RASSF6: variants seen among roughly 807,000 people sequenced by gnomAD.
The protein encoded by RASSF6 is ras association domain-containing protein 6.
A neutral mutation model predicts 44.0 loss-of-function variants in RASSF6; 52 were observed. The ratio of observed to expected loss-of-function variants is 1.18; its 90% CI spans 0.95 to 1.49. The LOEUF (loss-of-function observed/expected upper bound fraction) is 1.49, where lower values mean the gene tolerates loss of function less well. RASSF6 is among the 40% of genes most tolerant of loss of function. The pLI, the probability that RASSF6 is intolerant of heterozygous loss-of-function variation, is 0.00. For missense variants in RASSF6, 464 were observed against 393.3 expected, an observed-to-expected ratio of 1.18 and a Z score of -1.52; for synonymous variants, 162 against 124.6, an observed-to-expected ratio of 1.30 and a Z score of -2.00.
At chr4:73,589,111 CTATA>C (rs1724330777) in intron 4 of RASSF6, among the ~76,000 whole-genome samples, 1 of 152,100 alleles carries the variant, frequency 6.6e-6, no homozygotes, top group South Asian at 2.1e-4. Context: ...TTTATGGCTA[CTATA>C]TCATTTGAGT....
Position 73,593,576 on chromosome 4 carries a change from T to C in RASSF6, c.162A>G (p.Leu54=). ...AAATGTCCAGCATTCCTTCAACAAT[T>C]AGTTTGCCATCTTCAGTCTAAGGAA... ...ILYGETEDGK[L]IVEGMLDIFW... Residue 54 remains leucine (L), a synonymous_variant, in exon 4 of 11, where the codon CTA becomes CTG. Coordinates refer to ENST00000307439, the MANE Select transcript of RASSF6 (RefSeq NM_177532.5). The C allele has an allele frequency of 6.2e-7, 1 of 1,613,534 alleles. No individual in the cohort carries two copies. The highest frequency in any genetic ancestry group is 8.5e-7 in the Non-Finnish European group (1 of 1,179,792).
At chr4:73,615,919 GAGGAC>G in intron 1 of RASSF6, 1 of 1,550,424 alleles carries the variant, frequency 6.4e-7, no homozygotes, top group Non-Finnish European at 8.7e-7. Flanking sequence ...AATGAGGCCA[GAGGAC>G]AGGAAGTGAA....
At chr4:73,600,560 A>T (rs1366992638) in intron 2 of RASSF6, among the ~76,000 whole-genome samples, 4 of 152,234 alleles carry the variant, frequency 2.6e-5, no homozygotes, top group African/African-American at 9.6e-5. Context: ...ACTTGCTCAC[A>T]GTAGGCTCTT....
intron 3 of RASSF6, among the ~76,000 whole-genome samples, chr4:73,595,402 T>C (rs955527229): frequency 5.9e-5 from 9 of 152,122 alleles, no homozygotes; most frequent in Non-Finnish European, 1.3e-4. Flanking sequence ...TATTGCTATG[T>C]TGGCCAGGCT....
chr4:73,611,594 A>T, intron 2 of RASSF6, 137 bp downstream of exon 2: 1 of 487,058 alleles, frequency 2.1e-6, no homozygotes, highest in Non-Finnish European at 3.7e-6. Context: ...TACTTTTCCA[A>T]CTTCTTATCT....
intron 5 of RASSF6, among the ~76,000 whole-genome samples, chr4:73,587,077 C>T (rs1328973497): frequency 6.6e-6 from 1 of 152,008 alleles, no homozygotes; most frequent in Non-Finnish European, 1.5e-5. Context: ...TCATCAGCAT[C>T]CACTACTCTT....
Position 73,611,334 on chromosome 4 carries a change from A to G in RASSF6, c.65+397T>C, listed in dbSNP as rs1211419581. ...TTGCATAATCTAATGTCAAGAGGGA[A>G]CCAGTAAAAATAAAGTGTCATGAGG... is the stretch of plus-strand genomic sequence containing the variant. On this transcript the variant is annotated intron_variant, in intron 2 of 10. Transcript: ENST00000307439. 7.2e-5 allele frequency among the ~76,000 whole-genome samples: 11 copies of G among 152,284 alleles called. No individual in the cohort carries two copies. In the East Asian group the frequency reaches 1.7e-3, roughly 24 times the overall value.
chr4:73,608,161 A>T (rs1725777592), intron 2 of RASSF6, among the ~76,000 whole-genome samples: 1 of 151,316 alleles, frequency 6.6e-6, no homozygotes, highest in Admixed American at 6.6e-5. Context: ...AAATTGAAAT[A>T]AATTCCATAC....
At chr4:73,591,627 T>C (rs1277827061) in intron 4 of RASSF6, among the ~76,000 whole-genome samples, 1 of 152,016 alleles carries the variant, frequency 6.6e-6, no homozygotes, top group Non-Finnish European at 1.5e-5. Context: ...AAGTGAGAAA[T>C]GTGGGGCTCT....
rs1480877479 is a variant in RASSF6 at position 73,571,959 on chromosome 4, G to A, written c.*4276C>T. 6.6e-6 allele frequency: 1 copy of A among 152,094 alleles called. No homozygotes were observed. The highest frequency in any genetic ancestry group is 1.9e-4 in the East Asian group (1 of 5,190). The allele number at this position is 152,094 out of a possible 1,614,324, so 9.4% of individuals were successfully genotyped here. On this transcript the variant is annotated 3_prime_UTR_variant, in exon 11 of 11. Coordinates refer to ENST00000307439, the MANE Select transcript of RASSF6 (RefSeq NM_177532.5). ...CCAGAAATTGTATGAGCTATACATT[G>A]CTATGTAACAAATTGCCCCAAATTT...
In RASSF6 at chr4:73,611,345, TAA is replaced by T. The variant is rs571307055; in HGVS notation, c.65+384_65+385del. ...AATGTCAAGAGGGAACCAGTAAAAA[TAA>T]AGTGTCATGAGGAGCAAGGGATGGA... On this transcript the variant is annotated intron_variant, in intron 2 of 10. Transcript: ENST00000307439. 1.1e-4 allele frequency among the ~76,000 whole-genome samples: 16 copies of T among 152,214 alleles called. No individual in the cohort carries two copies. In the South Asian group the frequency reaches 3.3e-3, roughly 32 times the overall value.
At chr4:73,615,796 G>A in intron 1 of RASSF6, 1 of 970,698 alleles carries the variant, frequency 1.0e-6, no homozygotes, top group Non-Finnish European at 1.6e-6. Context: ...TGAGGAGGCA[G>A]TGTTGGGCAG....
intron 2 of RASSF6, among the ~76,000 whole-genome samples, chr4:73,603,471 G>C (rs1725415262): frequency 6.6e-6 from 1 of 152,058 alleles, no homozygotes; most frequent in Non-Finnish European, 1.5e-5. Flanking sequence ...GACTGACCTT[G>C]GTGGGGGGCA....
At chr4:73,606,793 GACTTCAC>G (rs1216606349) in intron 2 of RASSF6, among the ~76,000 whole-genome samples, 1 of 152,150 alleles carries the variant, frequency 6.6e-6, no homozygotes, top group African/African-American at 2.4e-5. Context: ...TGAGTAACTT[GACTTCAC>G]ACTCTGATGC....
intron 2 of RASSF6, among the ~76,000 whole-genome samples, chr4:73,603,359 T>C (rs1222792713): frequency 1.3e-5 from 2 of 152,126 alleles, no homozygotes; most frequent in African/African-American, 2.4e-5. Context: ...AGGATAGAAG[T>C]TGGCACCCTG....
In RASSF6 at chr4:73,620,312, G is replaced by A. The variant is rs1235174720; in HGVS notation, c.-59C>T. The A allele has an allele frequency of 2.0e-6, 3 of 1,468,556 alleles. No individual in the cohort carries two copies. The highest frequency in any genetic ancestry group is 1.5e-5 in the African/African-American group (1 of 68,474). The allele number at this position is 1,468,556 out of a possible 1,614,324, so 91.0% of individuals were successfully genotyped here. A position where few individuals can be genotyped will look rare whatever the true frequency, so the allele number is the denominator to read the frequency against. On this transcript the variant is annotated 5_prime_UTR_variant, in exon 1 of 11. Transcript: ENST00000307439. ...CCTGTTATTCACACTGTGAGCAGGA[G>A]GACCCTTTTCACCATCGTTGTTCGG... is the stretch of plus-strand genomic sequence containing the variant.
chr4:73,612,777 C>T (rs2149398673), intron 1 of RASSF6, among the ~76,000 whole-genome samples: 1 of 152,220 alleles, frequency 6.6e-6, no homozygotes, highest in South Asian at 2.1e-4. Context: ...TCATTCCGAT[C>T]ATCCCATCAC....
chr4:73,582,269 A>G lies in RASSF6; in HGVS notation c.589T>C (p.Phe197Leu). The G allele has an allele frequency of 6.3e-7, 1 of 1,587,792 alleles. No homozygotes were observed. The highest frequency in any genetic ancestry group is 8.6e-7 in the Non-Finnish European group (1 of 1,162,002). Residue 197 changes from phenylalanine to leucine, a missense_variant, in exon 7 of 11, where the codon TTT becomes CTT. Transcript: ENST00000307439. ...NHETSIFIPA[F>L]ESETKVRVNS... ...ACTCTGACCTTAGTTTCTGATTCAA[A>G]GGCTGGAATGAAAATTGATGTCTAG...
rs1722980723 is a variant in RASSF6, at chr4:73,572,734, T to C, written c.*3501A>G. 2 of 152,182 alleles carry C rather than the reference T, an allele frequency of 1.3e-5. No individual in the cohort carries two copies. The highest frequency in any genetic ancestry group is 2.9e-5 in the Non-Finnish European group (2 of 68,024). The allele number at this position is 152,182 out of a possible 1,614,324, so 9.4% of individuals were successfully genotyped here. ...AGAACTCTGTGCTTGCATGTGCTTG[T>C]TACTTTTTTGTTCATAAGTTTTAAA... On this transcript the variant is annotated 3_prime_UTR_variant, in exon 11 of 11. Transcript: ENST00000307439.
Sources: allele counts gnomAD v4.1 joint callset (sites outside exome capture counted in the v4.1 genomes callset), GRCh38; gene constraint gnomAD v4.1.1; transcripts MANE v1.5; gene names NCBI Gene and HGNC (gene_info 2026-07-23, HGNC 2026-07-21).